Variants in FAR2 observed in about 807,000 individuals in gnomAD.
The protein encoded by FAR2 is fatty acyl-CoA reductase 2.
Under a neutral mutation model 56.0 loss-of-function variants are expected in FAR2, and 19 were observed. The ratio of observed to expected loss-of-function variants is 0.34; its 90% CI spans 0.24 to 0.50. The LOEUF (loss-of-function observed/expected upper bound fraction) is 0.50, where lower values mean the gene tolerates loss of function less well. Ranked by LOEUF, FAR2 falls within the 20% of genes least tolerant of loss-of-function variation. The probability of loss-of-function intolerance (pLI) is 0.98; values close to 1 mark genes in which losing one functional copy is unlikely to be tolerated. For missense variants in FAR2, 508 were observed against 642.2 expected, an observed-to-expected ratio of 0.79 and a Z score of 2.26; for synonymous variants, 219 against 218.8, an observed-to-expected ratio of 1.00 and a Z score of -0.01.
At chr12:29,267,328 T>TA (rs750070957) in intron 1 of FAR2, among the ~76,000 whole-genome samples, 2 of 152,210 alleles carry the variant, frequency 1.3e-5, no homozygotes, top group Admixed American at 6.5e-5. Context: ...CTATAGGCAA[T>TA]GTATATTGCT....
chr12:29,179,736 C>T lies in FAR2; in HGVS notation c.-39+30329C>T, dbSNP rs1326358472. Reference sequence around the variant, plus strand: ...GGAGAGAATCAAACTCTGCCTGGCCCCATCTGTCTCCTCTACTTTAGTGAT... The same window carrying T: ...GGAGAGAATCAAACTCTGCCTGGCCTCATCTGTCTCCTCTACTTTAGTGAT... On this transcript the variant is annotated intron_variant, in intron 1 of 11. Coordinates refer to ENST00000536681, the MANE Select transcript of FAR2 (RefSeq NM_001271783.2). Among the ~76,000 whole-genome samples the T allele has an allele frequency of 3.3e-5, 5 of 152,106 alleles. No individual in the cohort carries two copies. The East Asian group carries it at 7.7e-4, about 23-fold the overall frequency.
At chr12:29,273,345 G>A (rs1948651035) in intron 2 of FAR2, among the ~76,000 whole-genome samples, 1 of 152,158 alleles carries the variant, frequency 6.6e-6, no homozygotes. Context: ...TAGAGTTATT[G>A]GAGATCCTGC....
At chr12:29,310,967 C>T (rs1018392115) in intron 6 of FAR2, 61 bp from the exon 7 acceptor site, 4 of 1,257,132 alleles carry the variant, frequency 3.2e-6, no homozygotes, top group Non-Finnish European at 4.7e-6. Context: ...ATGATACATA[C>T]TTTAGCCCCA....
chr12:29,315,023 G>A (rs1432859051), intron 8 of FAR2, among the ~76,000 whole-genome samples: 1 of 152,096 alleles, frequency 6.6e-6, no homozygotes, highest in East Asian at 1.9e-4. Context: ...ACAAAATTTT[G>A]TTATGGTACT....
Position 29,311,949 on chromosome 12 carries a change from G to A in FAR2, c.954G>A (p.Met318Ile), listed in dbSNP as rs1949359239. The change falls in exon 8 of 12, where the codon ATG (methionine) becomes ATA (isoleucine). Residue 318 changes from methionine to isoleucine, a missense_variant and splice_region_variant. Coordinates refer to ENST00000536681, the MANE Select transcript of FAR2 (RefSeq NM_001271783.2). ...GNMNPCNWHK[M>I]GVQVLATFEK... ...TGAATCCCTGCAATTGGCACAAAAT[G>A]GGTAAGTACTTTAGCTATGTAACTC... 7 of 1,606,880 alleles carry A rather than the reference G, an allele frequency of 4.4e-6. No homozygotes were observed. The highest frequency in any genetic ancestry group is 6.0e-6 in the Non-Finnish European group (7 of 1,174,834).
chr12:29,300,674 G>A (rs185156894), intron 4 of FAR2, among the ~76,000 whole-genome samples: 47 of 152,026 alleles, frequency 3.1e-4, no homozygotes, highest in Admixed American at 2.5e-3. Context: ...GTAACTTCAA[G>A]GGGTCTAGTG....
chr12:29,304,906 T>C (rs943831155), intron 4 of FAR2, among the ~76,000 whole-genome samples: 1 of 152,166 alleles, frequency 6.6e-6, no homozygotes, highest in Non-Finnish European at 1.5e-5. Flanking sequence ...GTTTTTTATC[T>C]ATGCTAACTT....
chr12:29,269,209 G>C (rs1258146263), intron 1 of FAR2, among the ~76,000 whole-genome samples: 1 of 152,056 alleles, frequency 6.6e-6, no homozygotes, highest in Admixed American at 6.5e-5. Flanking sequence ...TGCACCTTGG[G>C]GGGGCCGTTC....
chr12:29,157,521 C>A (rs1199028764), intron 1 of FAR2, among the ~76,000 whole-genome samples: 1 of 152,236 alleles, frequency 6.6e-6, no homozygotes, highest in East Asian at 1.9e-4. Flanking sequence ...TATGGCTTCT[C>A]CAACCACTTA....
intron 2 of FAR2, chr12:29,292,182 A>G (rs1420400041): frequency 6.6e-6 from 1 of 152,194 alleles, no homozygotes; most frequent in Non-Finnish European, 1.5e-5. Flanking sequence ...ATAAAAACCA[A>G]AGGCAAAAGA....
intron 3 of FAR2, 148 bp downstream of exon 3, chr12:29,293,623 A>G: frequency 3.3e-6 from 2 of 598,322 alleles, no homozygotes; most frequent in Non-Finnish European, 5.1e-6. Flanking sequence ...ATCTAGAAAC[A>G]ACCATTTACT....
intron 3 of FAR2, among the ~76,000 whole-genome samples, chr12:29,296,605 A>T (rs752439363): frequency 6.6e-6 from 1 of 152,202 alleles, no homozygotes; most frequent in Non-Finnish European, 1.5e-5. Context: ...AGAGCAACTT[A>T]CATTGCTCCT....
intron 1 of FAR2, among the ~76,000 whole-genome samples, chr12:29,168,774 A>G (rs933646737): frequency 1.3e-5 from 2 of 152,222 alleles, no homozygotes; most frequent in Non-Finnish European, 2.9e-5. Flanking sequence ...AGCAACAGCA[A>G]GATTTACTGT....
chr12:29,279,226 A>T (rs1228186922), intron 2 of FAR2, among the ~76,000 whole-genome samples: 1 of 152,170 alleles, frequency 6.6e-6, no homozygotes, highest in African/African-American at 2.4e-5. Flanking sequence ...ATCATCTTTC[A>T]TTTCTCATGG....
chr12:29,276,596 T>C (rs1591919979), intron 2 of FAR2, among the ~76,000 whole-genome samples: 1 of 152,226 alleles, frequency 6.6e-6, no homozygotes, highest in African/African-American at 2.4e-5. Flanking sequence ...AAGTTTTTGC[T>C]ACAAAATTGT....
At chr12:29,172,851 A>G (rs192166662) in intron 1 of FAR2, among the ~76,000 whole-genome samples, 7 of 152,290 alleles carry the variant, frequency 4.6e-5, no homozygotes, top group Admixed American at 3.9e-4. Flanking sequence ...TCCTTCTAGA[A>G]CACAGGTCAA....
chr12:29,208,874 C>A (rs2136625763), intron 1 of FAR2, among the ~76,000 whole-genome samples: 1 of 152,158 alleles, frequency 6.6e-6, no homozygotes, highest in South Asian at 2.1e-4. Flanking sequence ...GGAAAATGAG[C>A]AAAATCATGG....
chr12:29,201,307 C>T (rs1947408705), intron 1 of FAR2, among the ~76,000 whole-genome samples: 1 of 152,152 alleles, frequency 6.6e-6, no homozygotes, highest in Admixed American at 6.5e-5. Context: ...AAACACAATT[C>T]TTATAGACAT....
chr12:29,223,179 T>C (rs1306524680), intron 1 of FAR2, among the ~76,000 whole-genome samples: 2 of 152,180 alleles, frequency 1.3e-5, no homozygotes, highest in African/African-American at 4.8e-5. Flanking sequence ...CTGAGACACA[T>C]AGCAGTTTCA....
Sources: allele counts gnomAD v4.1 joint callset (sites outside exome capture counted in the v4.1 genomes callset), GRCh38; gene constraint gnomAD v4.1.1; transcripts MANE v1.5; gene names NCBI Gene and HGNC (gene_info 2026-07-23, HGNC 2026-07-21).